DMD: variants seen among roughly 807,000 people sequenced by gnomAD.
DMD encodes the protein dystrophin, also known as mutant dystrophin.
In DMD, 63 loss-of-function variants were observed where a neutral mutation model predicts 330.1. That is an observed-to-expected ratio of 0.19 (90% CI 0.16 to 0.24). The LOEUF is 0.24. Ranked by LOEUF, DMD falls within the 10% of genes least tolerant of loss-of-function variation. The pLI is 1.00. For synonymous variants in DMD, 1,223 were observed against 959.8 expected, an observed-to-expected ratio of 1.27 and a Z score of -5.07; for missense variants, 3,344 against 2,684.1, an observed-to-expected ratio of 1.25 and a Z score of -5.43.
chrX:33,283,328 C>G (rs1156317612), intron 1 of DMD, among the ~76,000 whole-genome samples: 3 of 110,652 alleles, frequency 2.7e-5, no homozygotes, highest in Non-Finnish European at 5.7e-5. Context: ...CACCTGAGGT[C>G]AGGAGTTTGA....
chrX:32,775,996 C>G (rs2074103912), intron 7 of DMD, among the ~76,000 whole-genome samples: 1 of 112,088 alleles, frequency 8.9e-6, no homozygotes, highest in African/African-American at 3.2e-5. Context: ...AGTCAAGTCA[C>G]ATCTTGAATG....
chrX:31,836,636 G>T, intron 49 of DMD, 82 bp downstream of exon 49: 1 of 779,770 alleles, frequency 1.3e-6, no homozygotes, highest in South Asian at 2.1e-5. Flanking sequence ...ATTATAAATA[G>T]TCCACGTCAA....
chrX:32,332,514 G>A (rs1431590177), intron 41 of DMD, among the ~76,000 whole-genome samples: 2 of 107,998 alleles, frequency 1.9e-5, no homozygotes, highest in African/African-American at 3.4e-5. Context: ...AGGCAGAAAC[G>A]AAAAGAGCCA....
intron 2 of DMD, among the ~76,000 whole-genome samples, chrX:33,004,370 G>A (rs1383372927): frequency 9.0e-6 from 1 of 111,270 alleles, no homozygotes; most frequent in Non-Finnish European, 1.9e-5. Context: ...CTTCTAATGA[G>A]CTGTGACTTC....
intron 45 of DMD, among the ~76,000 whole-genome samples, chrX:31,951,128 T>TATACAC (rs1324927131): frequency 1.0e-4 from 8 of 79,640 alleles, no homozygotes; most frequent in African/African-American, 3.2e-4. Flanking sequence ...TATACATATA[T>TATACAC]ATATATATAT....
At position 33,000,757 on chromosome X, in the gene DMD, TA is replaced by T. The variant is rs748260738; in HGVS notation, c.93+19381del. Among the ~76,000 whole-genome samples, 678 of 112,321 alleles carry T rather than the reference TA, an allele frequency of 6.0e-3. 7 individuals carry two copies. The highest frequency in any genetic ancestry group is 0.02 in the African/African-American group (628 of 30,996). ...TGTTGAAGAAATAATATTTTTGTTT[TA>T]CATATAGTTAAATAAATATTATTAA... On this transcript the variant is annotated intron_variant, in intron 2 of 78. Coordinates refer to ENST00000357033, the MANE Select transcript of DMD (RefSeq NM_004006.3).
chrX:32,598,833 G>T (rs139058391), intron 12 of DMD, among the ~76,000 whole-genome samples: 283 of 111,809 alleles, frequency 2.5e-3, no homozygotes, highest in African/African-American at 9.0e-3. Flanking sequence ...TACCACTAAA[G>T]AGAGTTGTGA....
intron 50 of DMD, among the ~76,000 whole-genome samples, chrX:31,806,947 C>T (rs1364542384): frequency 9.0e-6 from 1 of 111,688 alleles, no homozygotes; most frequent in Non-Finnish European, 1.9e-5. Flanking sequence ...CAAGTGAGCT[C>T]CTAAGAAGAA....
intron 1 of DMD, among the ~76,000 whole-genome samples, chrX:33,087,169 G>A (rs942933276): frequency 1.8e-5 from 2 of 111,643 alleles, no homozygotes; most frequent in African/African-American, 6.5e-5. Context: ...TACTTCTGGG[G>A]CTGGTTAAAA....
intron 52 of DMD, among the ~76,000 whole-genome samples, chrX:31,691,445 G>A (rs147236400): frequency 0.025 from 2,761 of 111,403 alleles, 30 homozygotes; most frequent in Middle Eastern, 0.047. Context: ...TCATTATTTT[G>A]AATGTAAATA....
At chrX:31,497,214 A>G (rs1459012868) in intron 56 of DMD, among the ~76,000 whole-genome samples, 1 of 112,196 alleles carries the variant, frequency 8.9e-6, no homozygotes, top group Admixed American at 9.5e-5. Flanking sequence ...TTGCTTTTCC[A>G]TACTGTTGTA....
intron 2 of DMD, among the ~76,000 whole-genome samples, chrX:32,909,832 T>G (rs1601859817): frequency 8.9e-6 from 1 of 112,277 alleles, no homozygotes; most frequent in East Asian, 2.8e-4. Flanking sequence ...TTACTATTTT[T>G]AACTAAGAAA....
chrX:32,813,137 C>T (rs2077491424), intron 6 of DMD, among the ~76,000 whole-genome samples: 1 of 111,832 alleles, frequency 8.9e-6, no homozygotes, highest in Non-Finnish European at 1.9e-5. Context: ...TGAGCTTTGG[C>T]ATTCTCATTC....
intron 12 of DMD, among the ~76,000 whole-genome samples, chrX:32,603,228 A>T (rs2056380321): frequency 9.0e-6 from 1 of 111,565 alleles, no homozygotes; most frequent in African/African-American, 3.3e-5. Context: ...TTAAATCTAT[A>T]CAAATACATG....
intron 11 of DMD, among the ~76,000 whole-genome samples, chrX:32,633,328 G>A (rs891903245): frequency 6.3e-5 from 7 of 111,186 alleles, no homozygotes; most frequent in African/African-American, 2.3e-4. Flanking sequence ...TTTGCTAAGG[G>A]ATAACAAACA....
intron 1 of DMD, among the ~76,000 whole-genome samples, chrX:33,107,114 C>A (rs898621515): frequency 1.8e-5 from 2 of 111,798 alleles, no homozygotes; most frequent in Non-Finnish European, 3.8e-5. Context: ...GAGTTCAAGA[C>A]CAGCCTGGCC....
chrX:32,789,991 A>T (rs188073240), intron 7 of DMD, among the ~76,000 whole-genome samples: 43 of 112,116 alleles, frequency 3.8e-4, no homozygotes, highest in African/African-American at 1.3e-3. Flanking sequence ...GTAATAATAT[A>T]TAAAATTCCT....
intron 1 of DMD, among the ~76,000 whole-genome samples, chrX:33,332,254 T>A (rs1449620454): frequency 8.9e-6 from 1 of 111,942 alleles, no homozygotes; most frequent in Non-Finnish European, 1.9e-5. Context: ...TTAATTCCTC[T>A]AAAGCTTTAA....
chrX:31,335,023 G>A (rs1267942268), intron 61 of DMD, among the ~76,000 whole-genome samples: 1 of 111,409 alleles, frequency 9.0e-6, no homozygotes, highest in Non-Finnish European at 1.9e-5. Flanking sequence ...CCACTAAAAG[G>A]GTCCCCTTCT....
Sources: gnomAD v4.1 joint callset for allele counts (sites outside exome capture counted in the v4.1 genomes callset) on GRCh38, gnomAD v4.1.1 for gene constraint, MANE v1.5 for transcripts, NCBI Gene and HGNC (gene_info 2026-07-23, HGNC 2026-07-21) for gene names.